Variants in MROH9 observed in about 807,000 individuals in gnomAD.
MROH9 encodes the protein maestro heat-like repeat-containing protein family member 9.
A neutral mutation model predicts 98.2 loss-of-function variants in MROH9; 92 were observed. The observed-to-expected ratio is 0.94, with a 90% confidence interval of 0.79 to 1.11. The LOEUF (loss-of-function observed/expected upper bound fraction) is 1.11, where lower values mean the gene tolerates loss of function less well. Ranked by LOEUF, MROH9 falls within the 50% of genes most tolerant of loss-of-function variation. The probability of loss-of-function intolerance (pLI) is 0.00; values close to 1 mark genes in which losing one functional copy is unlikely to be tolerated. For synonymous variants in MROH9, 397 were observed against 368.9 expected (o/e 1.08, Z -0.87); for missense variants, 1,057 against 1,014.8 (o/e 1.04, Z -0.57).
intron 17 of MROH9, among the ~76,000 whole-genome samples, chr1:171,017,289 C>T (rs1652356117): frequency 6.6e-6 from 1 of 152,166 alleles, no homozygotes; most frequent in African/African-American, 2.4e-5. Context: ...GGGCATGACC[C>T]ATGGAGAGGA....
intron 2 of MROH9, among the ~76,000 whole-genome samples, chr1:170,946,503 G>A (rs957686491): frequency 6.6e-6 from 1 of 151,872 alleles, no homozygotes; most frequent in Non-Finnish European, 1.5e-5. Context: ...TCCAAATAAA[G>A]TCTGAATTTT....
chr1:171,000,903 G>A (rs145866863), intron 15 of MROH9, among the ~76,000 whole-genome samples: 63 of 151,962 alleles, frequency 4.1e-4, no homozygotes, highest in Middle Eastern at 6.8e-3. Context: ...TTTAATTACC[G>A]TTTCAATCTC....
intron 1 of MROH9, among the ~76,000 whole-genome samples, chr1:170,939,153 C>T (rs1649016380): frequency 2.6e-5 from 4 of 152,234 alleles, no homozygotes; most frequent in African/African-American, 9.6e-5. Flanking sequence ...TCTGAGATGT[C>T]TATCCACTTA....
In MROH9 at chr1:170,989,952, C is replaced by T. The variant is rs748171829; in HGVS notation, c.977C>T (p.Ser326Leu). 1.6e-5 allele frequency: 26 copies of T among 1,613,144 alleles called. No individual in the cohort carries two copies. The highest frequency in any genetic ancestry group is 2.2e-5 in the Non-Finnish European group (26 of 1,179,484). ...LQVITLLTCT[S>L]PKKVIFQLMD... The stretch of plus-strand genomic sequence containing the variant: ...GTTATCACTTTGTTGACATGCACTT[C>T]ACCCAAGAAGGTCATCTTTCAACTT... The change falls in exon 11 of 22, where the codon TCA becomes TTA. Residue 326 changes from serine (S) to leucine (L), a missense_variant. Physicochemically the swap from Ser to Leu is moderately radical, Grantham distance 145. Coordinates refer to ENST00000367759, the MANE Select transcript of MROH9 (RefSeq NM_001163629.2).
intron 3 of MROH9, among the ~76,000 whole-genome samples, chr1:170,955,531 AT>A (rs1386324027): frequency 6.6e-6 from 1 of 152,162 alleles, no homozygotes; most frequent in East Asian, 1.9e-4. Flanking sequence ...GTAAGGTGGT[AT>A]TGCATTATAG....
At chr1:171,008,119 C>T (rs1652024127) in intron 15 of MROH9, among the ~76,000 whole-genome samples, 3 of 152,102 alleles carry the variant, frequency 2.0e-5, no homozygotes, top group South Asian at 4.1e-4. Flanking sequence ...CATAGAAATG[C>T]TTCTATTTCA....
intron 15 of MROH9, among the ~76,000 whole-genome samples, chr1:171,012,474 G>A (rs1557897773): frequency 6.7e-6 from 1 of 150,342 alleles, no homozygotes; most frequent in Admixed American, 6.6e-5. Context: ...TTCTTCCAAG[G>A]AAAACATGAT....
chr1:170,984,125 T>C (rs1651035967), intron 9 of MROH9, among the ~76,000 whole-genome samples: 1 of 152,188 alleles, frequency 6.6e-6, no homozygotes, highest in East Asian at 1.9e-4. Context: ...GCTCCAGAAG[T>C]TGCACAGCAT....
intron 9 of MROH9, 86 bp from the exon 10 acceptor site, chr1:170,986,475 T>G: frequency 1.4e-6 from 2 of 1,449,400 alleles, no homozygotes; most frequent in Non-Finnish European, 1.9e-6. Context: ...GCTTGGCTCT[T>G]GAGCATCCCC....
intron 20 of MROH9, among the ~76,000 whole-genome samples, chr1:171,031,965 T>C (rs914187043): frequency 1.3e-5 from 2 of 152,216 alleles, no homozygotes; most frequent in African/African-American, 4.8e-5. Flanking sequence ...TTTTGGAGGC[T>C]TTCTTCATTC....
At chr1:170,948,093 T>C (rs991396856) in intron 3 of MROH9, among the ~76,000 whole-genome samples, 2 of 152,072 alleles carry the variant, frequency 1.3e-5, no homozygotes, top group Non-Finnish European at 2.9e-5. Flanking sequence ...ATTATTCATC[T>C]TTGTGTTCTC....
rs895218447 is a variant in MROH9 at position 171,027,095 on chromosome 1, C to CA, written c.2281+1684dup. ...GAAAAATTCTTTTTATTCCTTCTTCCAAAAAAAAATGGAATACATGTGCAG... is the reference window on the plus strand; with the variant it reads ...GAAAAATTCTTTTTATTCCTTCTTCCAAAAAAAAAATGGAATACATGTGCAG... On this transcript the variant is annotated intron_variant, in intron 20 of 21. Coordinates refer to ENST00000367759, the MANE Select transcript of MROH9 (RefSeq NM_001163629.2). Among the ~76,000 whole-genome samples, 134 of 150,234 alleles carry CA rather than the reference C, an allele frequency of 8.9e-4. 2 individuals carry two copies. The South Asian group carries it at 0.014, about 16-fold the overall frequency.
intron 11 of MROH9, 70 bp downstream of exon 11, chr1:170,990,073 G>T: frequency 1.4e-6 from 2 of 1,456,128 alleles, no homozygotes; most frequent in South Asian, 1.4e-5. Flanking sequence ...GATGGACCTG[G>T]GTTCAACTCT....
At chr1:171,037,601 C>T (rs1016389929) in intron 20 of MROH9, among the ~76,000 whole-genome samples, 2 of 151,748 alleles carry the variant, frequency 1.3e-5, no homozygotes, top group African/African-American at 4.8e-5. Flanking sequence ...TTCAACATTG[C>T]TTGCTGATTC....
intron 19 of MROH9, 60 bp downstream of exon 19, chr1:171,024,825 C>A: frequency 9.8e-7 from 1 of 1,020,270 alleles, no homozygotes; most frequent in South Asian, 1.4e-5. Context: ...ACAGGATATC[C>A]AAAGTGATAA....
Position 171,024,662 on chromosome 1 carries a change from C to G in MROH9, c.2075C>G (p.Thr692Arg). The G allele has an allele frequency of 2.6e-6, 4 of 1,549,644 alleles. No individual in the cohort carries two copies. The highest frequency in any genetic ancestry group is 3.5e-6 in the Non-Finnish European group (4 of 1,145,522). ...TCTGTCTCACAGGCATGTAAATATACATTAAAAATCTGTACCTCACAATTA... is the reference window on the plus strand; with the variant it reads ...TCTGTCTCACAGGCATGTAAATATAGATTAAAAATCTGTACCTCACAATTA... ...DKRVAEACKY[T>R]LKICTSQLKW... Residue 692 changes from threonine to arginine, a missense_variant, in exon 19 of 22, where the codon ACA (threonine) becomes AGA (arginine). Physicochemically the swap from Thr to Arg is moderately conservative, Grantham distance 71. Coordinates refer to ENST00000367759, the MANE Select transcript of MROH9 (RefSeq NM_001163629.2).
At chr1:170,967,659 T>G (rs1650284256) in intron 7 of MROH9, among the ~76,000 whole-genome samples, 1 of 152,342 alleles carries the variant, frequency 6.6e-6, no homozygotes, top group South Asian at 2.1e-4. Flanking sequence ...TGAACAATTC[T>G]ATCATTTTTA....
intron 20 of MROH9, among the ~76,000 whole-genome samples, chr1:171,038,584 C>T (rs923758772): frequency 6.6e-6 from 1 of 152,148 alleles, no homozygotes; most frequent in Non-Finnish European, 1.5e-5. Flanking sequence ...ACTGCCATCT[C>T]ACCTTAGCAT....
chr1:170,971,657 T>C (rs1650461063), intron 7 of MROH9, 91 bp from the exon 8 acceptor site: 1 of 1,400,858 alleles, frequency 7.1e-7, no homozygotes, highest in Non-Finnish European at 9.9e-7. Flanking sequence ...CTTAGAATCC[T>C]AGTCTGATTT....
Sources: gnomAD v4.1 joint callset for allele counts (sites outside exome capture counted in the v4.1 genomes callset) on GRCh38, gnomAD v4.1.1 for gene constraint, MANE v1.5 for transcripts, NCBI Gene and HGNC (gene_info 2026-07-23, HGNC 2026-07-21) for gene names.